INVS: variants seen among roughly 807,000 people sequenced by gnomAD.
The protein encoded by INVS is inversin.
In INVS, 86 loss-of-function variants were observed where a neutral mutation model predicts 108.8. The ratio of observed to expected loss-of-function variants is 0.79; its 90% CI spans 0.66 to 0.95. The LOEUF (loss-of-function observed/expected upper bound fraction) is 0.95. INVS is among the 40% of genes least tolerant of loss of function. The pLI is 0.00. For missense variants in INVS, 1,169 were observed against 1,297.4 expected, an observed-to-expected ratio of 0.90 and a Z score of 1.52; for synonymous variants, 455 against 473.5, an observed-to-expected ratio of 0.96 and a Z score of 0.51.
chr9:100,284,750 T>C, intron 13 of INVS, 147 bp downstream of exon 13: 2 of 866,372 alleles, frequency 2.3e-6, no homozygotes. Context: ...TTGTTTCCTC[T>C]GGTTCTCAGT....
intron 3 of INVS, among the ~76,000 whole-genome samples, chr9:100,197,667 A>T (rs1285935658): frequency 1.3e-5 from 2 of 152,204 alleles, no homozygotes; most frequent in African/African-American, 4.8e-5. Context: ...TGGGCCAAAA[A>T]GGTGTGATCT....
chr9:100,135,327 A>G (rs1210372258), intron 3 of INVS, among the ~76,000 whole-genome samples: 2 of 152,136 alleles, frequency 1.3e-5, no homozygotes, highest in Non-Finnish European at 2.9e-5. Context: ...CCCTGTGTCT[A>G]TGCTCTTATC....
Position 100,301,396 on chromosome 9 carries a change from A to G in INVS, c.*722A>G, listed in dbSNP as rs1349669108. Among the ~76,000 whole-genome samples the G allele has an allele frequency of 6.6e-6, 1 of 152,196 alleles. No individual in the cohort carries two copies. Among genetic ancestry groups the G allele is most frequent in the Non-Finnish European group, 1.5e-5 (1 of 68,030 alleles). On this transcript the variant is annotated 3_prime_UTR_variant, in exon 17 of 17. Coordinates refer to ENST00000262457, the MANE Select transcript of INVS (RefSeq NM_014425.5). Reference sequence around the variant, plus strand: ...AGTGCTGAATACCAACAGCCGTATTACAGTATCAAGGATTCTGTCAGGTAG... The same window carrying G: ...AGTGCTGAATACCAACAGCCGTATTGCAGTATCAAGGATTCTGTCAGGTAG...
At chr9:100,255,492 A>C (rs1025533241) in intron 10 of INVS, among the ~76,000 whole-genome samples, 45 of 152,136 alleles carry the variant, frequency 3.0e-4, no homozygotes, top group Non-Finnish European at 2.8e-4. Flanking sequence ...GTCTTGTGCC[A>C]GTTTTCAAAG....
Position 100,229,650 on chromosome 9 carries a change from G to A in INVS, c.448-10G>A, listed in dbSNP as rs377238548. The A allele has an allele frequency of 1.8e-4, 293 of 1,613,346 alleles. 2 individuals are homozygous for A. Among genetic ancestry groups the A allele is most frequent in the Middle Eastern group, 1.7e-4 (1 of 6,038 alleles). On this transcript the variant is annotated splice_polypyrimidine_tract_variant and intron_variant, in intron 4 of 16. Transcript: ENST00000262457. Reference sequence around the variant, plus strand: ...ACTGTTGTTATTTCGAGAACCTCTCGATTTTGCAGCAAACAGCTCTGCATT... The same window carrying A: ...ACTGTTGTTATTTCGAGAACCTCTCAATTTTGCAGCAAACAGCTCTGCATT...
chr9:100,227,101 T>C (rs1831352292), intron 4 of INVS, among the ~76,000 whole-genome samples: 1 of 152,204 alleles, frequency 6.6e-6, no homozygotes, highest in African/African-American at 2.4e-5. Context: ...TACTGTTAGG[T>C]TCAGCATAGT....
At chr9:100,189,043 C>T (rs1235379626) in intron 3 of INVS, among the ~76,000 whole-genome samples, 1 of 143,750 alleles carries the variant, frequency 7.0e-6, no homozygotes, top group Non-Finnish European at 1.5e-5. Flanking sequence ...TTTTGTATTT[C>T]TGTGTTACAG....
chr9:100,253,259 A>T, intron 10 of INVS, 123 bp downstream of exon 10: 1 of 722,890 alleles, frequency 1.4e-6, no homozygotes, highest in South Asian at 1.6e-5. Context: ...TCCATCTGTT[A>T]ATCATGACTA....
chr9:100,299,068 T>A (rs1197244780), intron 16 of INVS, among the ~76,000 whole-genome samples: 1 of 152,200 alleles, frequency 6.6e-6, no homozygotes, highest in African/African-American at 2.4e-5. Flanking sequence ...TCTTTTAAAA[T>A]GGTGTTTAGC....
At chr9:100,199,286 C>T (rs1564155391) in intron 3 of INVS, among the ~76,000 whole-genome samples, 1 of 152,120 alleles carries the variant, frequency 6.6e-6, no homozygotes, top group Admixed American at 6.5e-5. Context: ...CTCTTGTAGA[C>T]AACATAAGCA....
intron 2 of INVS, among the ~76,000 whole-genome samples, chr9:100,112,644 C>T (rs1827375340): frequency 6.7e-6 from 1 of 148,496 alleles, no homozygotes; most frequent in African/African-American, 2.5e-5. Flanking sequence ...AATACACTAA[C>T]ACTAACAATA....
At position 100,302,113 on chromosome 9, in the gene INVS, G is replaced by T; in HGVS notation, c.*1439G>T. 1.2e-6 allele frequency: 1 copy of T among 836,496 alleles called. No individual in the cohort carries two copies. Among genetic ancestry groups the T allele is most frequent in the Non-Finnish European group, 1.8e-6 (1 of 550,750 alleles). 51.8% of individuals were successfully genotyped at this position (836,496 alleles called of 1,614,324 possible). On this transcript the variant is annotated 3_prime_UTR_variant, in exon 17 of 17. Coordinates refer to ENST00000262457, the MANE Select transcript of INVS (RefSeq NM_014425.5). ...TTAAAAGTTCAGCTTTAATGACAAA[G>T]ATCTATTACATCAGTCTTTTTCTTC...
In INVS at chr9:100,100,595, TG is replaced by T. The variant is rs1465030118; in HGVS notation, c.-25+1180del. ...ATATATATATAATATATATAATATA[TG>T]TACATATAATATATATAATATATGT... is the stretch of plus-strand genomic sequence containing the variant. On this transcript the variant is annotated intron_variant, in intron 1 of 16. Transcript: ENST00000262457. Among the ~76,000 whole-genome samples the T allele has an allele frequency of 1.1e-3, 102 of 95,718 alleles. 2 individuals are homozygous for T. Among genetic ancestry groups the T allele is most frequent in the African/African-American group, 1.9e-3 (44 of 22,628 alleles). The allele number at this position is 95,718 out of a possible 152,430, so 62.8% of individuals were successfully genotyped here. A position where few individuals can be genotyped will look rare whatever the true frequency, so the allele number is the denominator to read the frequency against.
At chr9:100,209,450 C>T (rs1830767653) in intron 3 of INVS, among the ~76,000 whole-genome samples, 1 of 152,068 alleles carries the variant, frequency 6.6e-6, no homozygotes, top group Non-Finnish European at 1.5e-5. Flanking sequence ...TGGCTGAGAC[C>T]TCTCTCATGT....
intron 2 of INVS, among the ~76,000 whole-genome samples, chr9:100,122,122 G>A (rs1043013304): frequency 2.0e-5 from 3 of 152,148 alleles, no homozygotes; most frequent in African/African-American, 4.8e-5. Flanking sequence ...TCCCATGGGT[G>A]TTTTGAAAGA....
chr9:100,225,079 A>G (rs1831271548), intron 3 of INVS, among the ~76,000 whole-genome samples: 2 of 145,152 alleles, frequency 1.4e-5, no homozygotes, highest in South Asian at 2.2e-4. Flanking sequence ...TTTTTTTGAG[A>G]CGGAGTCTCA....
intron 4 of INVS, among the ~76,000 whole-genome samples, chr9:100,227,169 C>T (rs1402532704): frequency 2.0e-5 from 3 of 152,150 alleles, no homozygotes; most frequent in Admixed American, 6.5e-5. Context: ...AAAGGAATTA[C>T]GTGTTGTTTA....
chr9:100,218,361 AG>A (rs1290672986), intron 3 of INVS, among the ~76,000 whole-genome samples: 1 of 152,218 alleles, frequency 6.6e-6, no homozygotes, highest in Non-Finnish European at 1.5e-5. Flanking sequence ...TGGCCTCTTC[AG>A]TACTCCAGTG....
At chr9:100,208,565 T>C (rs573097478) in intron 3 of INVS, among the ~76,000 whole-genome samples, 4 of 152,156 alleles carry the variant, frequency 2.6e-5, no homozygotes, top group African/African-American at 7.2e-5. Flanking sequence ...CTTCGCAGAG[T>C]AGGTGAATTG....
Sources: gnomAD v4.1 joint callset for allele counts (sites outside exome capture counted in the v4.1 genomes callset) on GRCh38, gnomAD v4.1.1 for gene constraint, MANE v1.5 for transcripts, NCBI Gene and HGNC (gene_info 2026-07-23, HGNC 2026-07-21) for gene names.